The following SGCD variants were observed in gnomAD, a reference collection of about 807,000 sequenced individuals.
The protein encoded by SGCD is delta-sarcoglycan.
In SGCD, 18 loss-of-function variants were observed where a neutral mutation model predicts 36.6. That is an observed-to-expected ratio of 0.49 (90% CI 0.34 to 0.73). The LOEUF (loss-of-function observed/expected upper bound fraction) is 0.73, where lower values mean the gene tolerates loss of function less well. Ranked by LOEUF, SGCD falls within the 30% of genes least tolerant of loss-of-function variation. The pLI, the probability that SGCD is intolerant of heterozygous loss-of-function variation, is 0.01. For missense variants in SGCD, 387 were observed against 346.7 expected (o/e 1.12, Z -0.92); for synonymous variants, 133 against 130.6 (o/e 1.02, Z -0.12).
intron 3 of SGCD, among the ~76,000 whole-genome samples, chr5:156,365,076 G>A (rs558437281): frequency 6.6e-6 from 1 of 152,296 alleles, no homozygotes; most frequent in East Asian, 1.9e-4. Flanking sequence ...GTATAAAAAT[G>A]TGCAACTCAA....
chr5:156,240,023 G>A (rs755080177), intron 3 of SGCD, among the ~76,000 whole-genome samples: 10 of 152,110 alleles, frequency 6.6e-5, no homozygotes, highest in East Asian at 1.9e-4. Flanking sequence ...TGGCCAAGTC[G>A]GGACTGTGGG....
At chr5:156,358,611 G>A (rs192927842) in intron 3 of SGCD, among the ~76,000 whole-genome samples, 1 of 152,310 alleles carries the variant, frequency 6.6e-6, no homozygotes. Flanking sequence ...CTCCCTCATG[G>A]AGCTATCTGT....
chr5:156,158,344 C>T (rs1284718813), intron 3 of SGCD, among the ~76,000 whole-genome samples: 1 of 151,542 alleles, frequency 6.6e-6, no homozygotes, highest in Non-Finnish European at 1.5e-5. Context: ...TCAAATCAGC[C>T]AGAGAAAAAA....
chr5:155,848,749 A>G, the SGCD span, among the ~76,000 whole-genome samples: 1 of 152,126 alleles, frequency 6.6e-6, no homozygotes, highest in Non-Finnish European at 1.5e-5. Flanking sequence ...TCTTCCCATC[A>G]TCTCCACTAT....
At chr5:156,314,176 G>A (rs150019840) in intron 3 of SGCD, among the ~76,000 whole-genome samples, 9 of 152,010 alleles carry the variant, frequency 5.9e-5, no homozygotes, top group Admixed American at 5.2e-4. Context: ...CTATAGGAGG[G>A]TCACTGTATT....
chr5:156,628,975 A>G (rs1033426849), intron 6 of SGCD, among the ~76,000 whole-genome samples: 3 of 152,252 alleles, frequency 2.0e-5, no homozygotes, highest in Non-Finnish European at 4.4e-5. Flanking sequence ...ATTAAATAAG[A>G]CAACCCATGT....
intron 1 of SGCD, among the ~76,000 whole-genome samples, chr5:155,950,591 A>C (rs1039208653): frequency 6.6e-6 from 1 of 152,178 alleles, no homozygotes; most frequent in Non-Finnish European, 1.5e-5. Flanking sequence ...TTCAGATATG[A>C]TTAAGAAGGA....
chr5:156,059,108 TAA>T lies in SGCD; in HGVS notation c.-281-58759_-281-58758del, dbSNP rs113549059. On this transcript the variant is annotated intron_variant, in intron 1 of 9. Coordinates refer to the SGCD transcript ENST00000517913. ...ACAAGTGGGTATATCATTTTTTAAA[TAA>T]AAAAAAAAAAGTTTTGGTTTTTGAT... Among the ~76,000 whole-genome samples the T allele has an allele frequency of 7.7e-3, 1,047 of 136,196 alleles. 71 individuals are homozygous for T. The highest frequency in any genetic ancestry group is 0.023 in the African/African-American group (878 of 38,876). 89.3% of individuals were successfully genotyped at this position (136,196 alleles called of 152,430 possible).
At chr5:156,306,902 T>C (rs559685749) in intron 3 of SGCD, among the ~76,000 whole-genome samples, 1 of 152,330 alleles carries the variant, frequency 6.6e-6, no homozygotes, top group South Asian at 2.1e-4. Flanking sequence ...CATCATTTTC[T>C]TGCTGTATTG....
At chr5:156,157,538 T>A (rs2127617230) in intron 3 of SGCD, among the ~76,000 whole-genome samples, 1 of 151,840 alleles carries the variant, frequency 6.6e-6, no homozygotes, top group South Asian at 2.1e-4. Flanking sequence ...CCATAAACTC[T>A]ACAAAGGACT....
intron 7 of SGCD, among the ~76,000 whole-genome samples, chr5:156,711,850 G>A (rs551720059): frequency 6.6e-6 from 1 of 152,286 alleles, no homozygotes; most frequent in African/African-American, 2.4e-5. Flanking sequence ...AGAAAGTAGA[G>A]AGACAAAAGA....
intron 6 of SGCD, among the ~76,000 whole-genome samples, chr5:156,607,590 T>C (rs1416157910): frequency 6.6e-6 from 1 of 152,222 alleles, no homozygotes; most frequent in East Asian, 1.9e-4. Flanking sequence ...TCCCTCTTTT[T>C]CTGTTGATTG....
intron 3 of SGCD, among the ~76,000 whole-genome samples, chr5:156,459,851 C>T (rs1259869761): frequency 6.6e-6 from 1 of 152,138 alleles, no homozygotes; most frequent in Admixed American, 6.6e-5. Context: ...TTTATGTTCC[C>T]TGGGGGTTTG....
chr5:156,390,740 A>G (rs1433366198), intron 3 of SGCD, among the ~76,000 whole-genome samples: 2 of 152,180 alleles, frequency 1.3e-5, no homozygotes, highest in East Asian at 1.9e-4. Flanking sequence ...CAGGGAAAAA[A>G]AAAGTTTAAT....
chr5:156,742,011 G>T (rs1488427921), intron 7 of SGCD, among the ~76,000 whole-genome samples: 1 of 152,156 alleles, frequency 6.6e-6, no homozygotes, highest in African/African-American at 2.4e-5. Flanking sequence ...GAGTAGCTGG[G>T]ACAACAGGCA....
intron 3 of SGCD, among the ~76,000 whole-genome samples, chr5:156,383,841 G>A (rs1277405628): frequency 6.6e-6 from 1 of 152,144 alleles, no homozygotes; most frequent in African/African-American, 2.4e-5. Flanking sequence ...CCAGATGCCA[G>A]ATGTAGTAAT....
chr5:156,017,516 T>C (rs1456550526), intron 1 of SGCD, among the ~76,000 whole-genome samples: 3 of 151,946 alleles, frequency 2.0e-5, no homozygotes, highest in African/African-American at 7.2e-5. Flanking sequence ...ACAATATTTC[T>C]ATGTATTTCT....
chr5:155,739,838 C>T, the SGCD span, among the ~76,000 whole-genome samples: 1 of 152,124 alleles, frequency 6.6e-6, no homozygotes, highest in Non-Finnish European at 1.5e-5. Context: ...CATATCATCT[C>T]AAGTAGGAAG....
chr5:156,610,484 G>T (rs1443030600), intron 6 of SGCD, among the ~76,000 whole-genome samples: 1 of 152,224 alleles, frequency 6.6e-6, no homozygotes, highest in African/African-American at 2.4e-5. Context: ...GGCTCCTCGG[G>T]GGTCAGGGAC....
Sources: allele counts gnomAD v4.1 joint callset (sites outside exome capture counted in the v4.1 genomes callset), GRCh38; gene constraint gnomAD v4.1.1; transcripts MANE v1.5; gene names NCBI Gene and HGNC (gene_info 2026-07-23, HGNC 2026-07-21).